The following NELFB variants were observed in gnomAD, a reference collection of about 807,000 sequenced individuals.
NELFB encodes the protein negative elongation factor complex member B.
A neutral mutation model predicts 60.2 loss-of-function variants in NELFB; 34 were observed. That is an observed-to-expected ratio of 0.56 (90% confidence interval 0.43 to 0.75). The LOEUF (loss-of-function observed/expected upper bound fraction) is 0.75, where lower values mean the gene tolerates loss of function less well. NELFB is among the 30% of genes least tolerant of loss of function. NELFB has a pLI of 0.00. For missense variants in NELFB, 770 were observed against 831.6 expected, an observed-to-expected ratio of 0.93 and a Z score of 0.91; for synonymous variants, 459 against 382.1, an observed-to-expected ratio of 1.20 and a Z score of -2.35.
chr9:137,261,339 CAAAAA>C (rs749817003), intron 4 of NELFB, among the ~76,000 whole-genome samples: 1 of 65,636 alleles, frequency 1.5e-5, no homozygotes, highest in Non-Finnish European at 3.0e-5. Flanking sequence ...GACTCGGTTT[CAAAAA>C]AAAAAAAAAA....
In NELFB at chr9:137,265,964, G is replaced by A. The variant is rs1830513509; in HGVS notation, c.1128G>A (p.Gln376=). 6.2e-7 allele frequency: 1 copy of A among 1,612,308 alleles called. No individual in the cohort carries two copies. Among genetic ancestry groups the A allele is most frequent in the Non-Finnish European group, 8.5e-7 (1 of 1,179,330 alleles). The change falls in exon 7 of 13, where the codon CAG becomes CAA. Residue 376 remains glutamine, a synonymous_variant. Transcript: ENST00000343053. ...GGCACCTGCAGGAGCTGGTCGGCCA[G>A]GAGACACTGCCCAGGGTGAGTGTGG...
chr9:137,272,870 C>T lies in NELFB; in HGVS notation c.1829C>T (p.Ala610Val), dbSNP rs770879662. The stretch of plus-strand genomic sequence containing the variant: ...CGGAAGCCCAGCCCGGCACAGGCTG[C>T]GGAGACGCCGGCCCTGGAGCTGCCC... The change falls in exon 13 of 13, where the codon GCG becomes GTG. Residue 610 changes from alanine (A) to valine (V), a missense_variant. Physicochemically the swap from Ala to Val is moderately conservative, Grantham distance 64. Coordinates refer to ENST00000343053, the MANE Select transcript of NELFB (RefSeq NM_015456.5). The T allele has an allele frequency of 1.7e-5, 26 of 1,548,402 alleles. No homozygotes were observed. In the Admixed American group the frequency reaches 2.6e-4, roughly 15 times the overall value.
In NELFB at chr9:137,266,768, A is replaced by T. The variant is rs1830522475; in HGVS notation, c.1240-176A>T. Among the ~76,000 whole-genome samples the T allele has an allele frequency of 3.4e-5, 5 of 148,888 alleles. 1 individual carries two copies. The South Asian group carries it at 1.1e-3, about 33-fold the overall frequency. On this transcript the variant is annotated intron_variant, in intron 8 of 12. Coordinates refer to ENST00000343053, the MANE Select transcript of NELFB (RefSeq NM_015456.5). ...CAGACCTAGAAGGGGGTTTGAGGAG[A>T]TGGCCTGGGTGGGGGACTCGGGAGG...
In NELFB at chr9:137,256,877, CTGCGCCG is replaced by C; in HGVS notation, c.567_573del (p.Cys189TrpfsTer3). On this transcript the variant is annotated frameshift_variant, in exon 4 of 13. Transcript: ENST00000343053. LOFTEE classifies it high-confidence loss of function. The stretch of plus-strand genomic sequence containing the variant: ...TGGCTGACAAGGAGCTGTATCGAGC[CTGCGCCG>C]TGGAGGTGAAGCGGCAGATCTGGCA... 1 of 1,614,224 alleles carries C rather than the reference CTGCGCCG, an allele frequency of 6.2e-7. No homozygotes were observed. The highest frequency in any genetic ancestry group is 8.5e-7 in the Non-Finnish European group (1 of 1,180,050).
chr9:137,266,180 C>A (rs982950933), intron 7 of NELFB, 151 bp from the exon 8 acceptor site: 9 of 756,514 alleles, frequency 1.2e-5, no homozygotes, highest in African/African-American at 1.8e-5. Context: ...TGTGAGACTG[C>A]GTTTCACCCC....
chr9:137,257,835 G>A (rs562396994), intron 4 of NELFB, among the ~76,000 whole-genome samples: 41 of 143,856 alleles, frequency 2.9e-4, no homozygotes, highest in Non-Finnish European at 4.4e-4. Context: ...AAGAGACAGG[G>A]TCTCACTCTG....
intron 3 of NELFB, 42 bp from the exon 4 acceptor site, chr9:137,256,782 G>A: frequency 6.3e-7 from 1 of 1,592,836 alleles, no homozygotes; most frequent in Non-Finnish European, 8.6e-7. Flanking sequence ...GGAGACCCAG[G>A]GACACAGGTG....
Position 137,256,077 on chromosome 9 carries a change from C to A in NELFB, c.410+7C>A. On this transcript the variant is annotated splice_region_variant and intron_variant, in intron 2 of 12. Coordinates refer to ENST00000343053, the MANE Select transcript of NELFB (RefSeq NM_015456.5). ...AGGGGAAGGCTGAGGAAAGGTGGGT[C>A]AGCGGGAGGGGTGGGCAGGTGAGAT... 6.2e-7 allele frequency: 1 copy of A among 1,611,672 alleles called. No homozygotes were observed. The highest frequency in any genetic ancestry group is 1.1e-5 in the South Asian group (1 of 91,004).
intron 4 of NELFB, among the ~76,000 whole-genome samples, chr9:137,258,418 A>G (rs1170702415): frequency 6.6e-6 from 1 of 150,654 alleles, no homozygotes; most frequent in African/African-American, 2.5e-5. Context: ...GTGAGCGACC[A>G]CAACTGGTTG....
Position 137,267,319 on chromosome 9 carries a change from G to T in NELFB, c.1462G>T (p.Ala488Ser), listed in dbSNP as rs763352499. Residue 488 changes from alanine (A) to serine (S), a missense_variant, in exon 10 of 13, where the codon GCG (alanine) becomes TCG (serine). Transcript: ENST00000343053. ...CATCACCAAGCAGAGGAACAAGAAC[G>T]CGCTCCTCCGCCTGCTGCCCGGGCT... 1 of 1,612,708 alleles carries T rather than the reference G, an allele frequency of 6.2e-7. No individual in the cohort carries two copies. Among genetic ancestry groups the T allele is most frequent in the Admixed American group, 1.7e-5 (1 of 59,910 alleles).
At chr9:137,255,658 C>T (rs781374806) in intron 1 of NELFB, 47 bp downstream of exon 1, 2 of 1,516,004 alleles carry the variant, frequency 1.3e-6, no homozygotes, top group African/African-American at 2.8e-5. Flanking sequence ...AGGGCCGGGC[C>T]GCCTGCTCGG....
rs1175670593 is a variant in NELFB, at chr9:137,255,536, C to T, written c.171C>T (p.Gly57=). The T allele has an allele frequency of 1.3e-6, 2 of 1,547,724 alleles. No individual in the cohort carries two copies. The highest frequency in any genetic ancestry group is 3.9e-5 in the Admixed American group (2 of 50,994). ...TGTTCGCGGGGCTGCAGGACCTGGG[C>T]GTGGCCAACGGCGAGGACCTGAAGG... Residue 57 remains glycine, a synonymous_variant, in exon 1 of 13, where the codon GGC becomes GGT. Coordinates refer to ENST00000343053, the MANE Select transcript of NELFB (RefSeq NM_015456.5).
chr9:137,266,279 A>G lies in NELFB; in HGVS notation c.1144-52A>G, dbSNP rs377463305. On this transcript the variant is annotated intron_variant, in intron 7 of 12. Transcript: ENST00000343053. ...TAACGAGTAGGGTCAGAGGAGCTCC[A>G]TGGCCAGGACACAGCTGCCTGGGAG... is the stretch of plus-strand genomic sequence containing the variant. 13 of 1,521,600 alleles carry G rather than the reference A, an allele frequency of 8.5e-6. No individual in the cohort carries two copies. In the Admixed American group the frequency reaches 1.2e-4, roughly 15 times the overall value. 94.3% of individuals were successfully genotyped at this position (1,521,600 alleles called of 1,614,324 possible).
chr9:137,271,526 C>T (rs764622810), intron 10 of NELFB, among the ~76,000 whole-genome samples: 16 of 152,366 alleles, frequency 1.1e-4, no homozygotes, highest in Middle Eastern at 3.4e-3. Context: ...TGTGGTCGCA[C>T]GTGAGGCGTC....
chr9:137,271,292 C>T (rs1830581251), intron 10 of NELFB, among the ~76,000 whole-genome samples: 1 of 152,272 alleles, frequency 6.6e-6, no homozygotes, highest in African/African-American at 2.4e-5. Context: ...GTTTCTGTCA[C>T]TCTGGGCGCA....
rs1004225829 is a variant in NELFB at position 137,266,937 on chromosome 9, C to A, written c.1240-7C>A. The A allele has an allele frequency of 6.2e-7, 1 of 1,612,718 alleles. No homozygotes were observed. The highest frequency in any genetic ancestry group is 8.5e-7 in the Non-Finnish European group (1 of 1,179,860). ...CCGCGCCCGCTCATGGCCTCCCCTC[C>A]TCGTAGGAGGTAGAGCTCATCACCA... On this transcript the variant is annotated splice_region_variant and splice_polypyrimidine_tract_variant and intron_variant, in intron 8 of 12. Transcript: ENST00000343053.
chr9:137,266,077 C>A, intron 7 of NELFB, 98 bp downstream of exon 7: 1 of 999,162 alleles, frequency 1.0e-6, no homozygotes, highest in Non-Finnish European at 1.5e-6. Context: ...CAGGTGGAGG[C>A]AGCTGTTGGG....
intron 4 of NELFB, among the ~76,000 whole-genome samples, chr9:137,260,978 G>T (rs1185475006): frequency 6.6e-6 from 1 of 151,682 alleles, no homozygotes; most frequent in Non-Finnish European, 1.5e-5. Context: ...AGAATCACTT[G>T]AACCCGGGAG....
At position 137,257,818 on chromosome 9, in the gene NELFB, C is replaced by G. The variant is rs897928254; in HGVS notation, c.741+764C>G. On this transcript the variant is annotated intron_variant, in intron 4 of 12. Coordinates refer to ENST00000343053, the MANE Select transcript of NELFB (RefSeq NM_015456.5). The stretch of plus-strand genomic sequence containing the variant: ...TGCCTGGCTTTTTTTCTTTTTTTTT[C>G]TTTTTTAAGAGACAGGGTCTCACTC... Among the ~76,000 whole-genome samples the G allele has an allele frequency of 2.2e-4, 18 of 82,134 alleles. No homozygotes were observed. In the East Asian group the frequency reaches 4.2e-3, roughly 19 times the overall value. 53.9% of individuals were successfully genotyped at this position (82,134 alleles called of 152,430 possible).
Sources: allele counts gnomAD v4.1 joint callset (sites outside exome capture counted in the v4.1 genomes callset), GRCh38; gene constraint gnomAD v4.1.1; transcripts MANE v1.5; gene names NCBI Gene and HGNC (gene_info 2026-07-23, HGNC 2026-07-21).